The following NTRK2 variants were observed in gnomAD, a reference collection of about 807,000 sequenced individuals.
The protein encoded by NTRK2 is neurotrophic receptor tyrosine kinase 2.
Under a neutral mutation model 94.5 loss-of-function variants are expected in NTRK2, and 13 were observed. The observed-to-expected ratio is 0.14, with a 90% confidence interval of 0.09 to 0.22. The LOEUF is 0.22. Ranked by LOEUF, NTRK2 falls within the 10% of genes least tolerant of loss-of-function variation. The pLI is 1.00. For missense variants in NTRK2, 639 were observed against 1,071.2 expected (o/e 0.60, Z 5.63); for synonymous variants, 372 against 407.4 (o/e 0.91, Z 1.05).
At chr9:84,951,142 A>G (rs72739936) in intron 16 of NTRK2, among the ~76,000 whole-genome samples, 10,778 of 152,234 alleles carry the variant, frequency 0.071, 730 homozygotes, top group African/African-American at 0.18. Context: ...GTGCAATTTA[A>G]TTCTTCTTTG....
chr9:84,830,514 C>T (rs969284994), intron 12 of NTRK2, among the ~76,000 whole-genome samples: 41 of 149,408 alleles, frequency 2.7e-4, no homozygotes, highest in Non-Finnish European at 4.9e-4. Context: ...TGTGAGCATG[C>T]GTGTATGTGT....
intron 17 of NTRK2, among the ~76,000 whole-genome samples, chr9:84,988,441 CACAA>C (rs555049415): frequency 3.4e-5 from 5 of 146,554 alleles, no homozygotes; most frequent in Admixed American, 6.7e-5. Flanking sequence ...ATCTCTTTCA[CACAA>C]ACACACACAC....
chr9:84,809,612 T>C (rs567489489), intron 12 of NTRK2, among the ~76,000 whole-genome samples: 2 of 151,682 alleles, frequency 1.3e-5, no homozygotes, highest in African/African-American at 4.8e-5. Context: ...CTGGGCTTGG[T>C]GGCTCACGCC....
At chr9:84,870,258 CTATATGCACACA>C (rs1290909400) in intron 14 of NTRK2, among the ~76,000 whole-genome samples, 1 of 128,528 alleles carries the variant, frequency 7.8e-6, no homozygotes, top group Non-Finnish European at 1.7e-5. Context: ...GTACACATAC[CTATATGCACACA>C]TATAGGTATG....
intron 12 of NTRK2, among the ~76,000 whole-genome samples, chr9:84,797,710 A>C (rs1440316263): frequency 1.4e-5 from 1 of 71,530 alleles, no homozygotes; most frequent in Non-Finnish European, 2.5e-5. Flanking sequence ...TATATACTAT[A>C]ATAATATATA....
At chr9:84,979,588 A>G (rs182944601) in intron 17 of NTRK2, among the ~76,000 whole-genome samples, 123 of 152,348 alleles carry the variant, frequency 8.1e-4, no homozygotes, top group African/African-American at 2.8e-3. Flanking sequence ...AATTTGGAAT[A>G]TGATATAAAT....
intron 2 of NTRK2, among the ~76,000 whole-genome samples, chr9:84,681,866 A>T (rs985782635): frequency 1.3e-5 from 2 of 152,188 alleles, no homozygotes; most frequent in African/African-American, 4.8e-5. Context: ...CTATATTGCT[A>T]TATAAAGAGG....
At chr9:84,795,583 G>A (rs1169160500) in intron 12 of NTRK2, among the ~76,000 whole-genome samples, 1 of 152,068 alleles carries the variant, frequency 6.6e-6, no homozygotes, top group Admixed American at 6.5e-5. Context: ...AGCAGCCCCA[G>A]GTCTCTTCAA....
At chr9:84,675,246 G>A (rs2058963252) in intron 2 of NTRK2, among the ~76,000 whole-genome samples, 1 of 149,080 alleles carries the variant, frequency 6.7e-6, no homozygotes, top group Admixed American at 6.7e-5. Flanking sequence ...GGTCATAGGA[G>A]TATAAAAACT....
At chr9:84,962,940 A>T (rs1317260637) in intron 17 of NTRK2, among the ~76,000 whole-genome samples, 2 of 152,230 alleles carry the variant, frequency 1.3e-5, no homozygotes, top group Non-Finnish European at 2.9e-5. Context: ...GTGGCTAAGC[A>T]GATAAGGGGT....
intron 17 of NTRK2, among the ~76,000 whole-genome samples, chr9:84,977,040 G>A (rs1826964155): frequency 6.6e-6 from 1 of 152,178 alleles, no homozygotes; most frequent in East Asian, 1.9e-4. Context: ...TGAATTAGCT[G>A]AATTAGCTGC....
At chr9:84,836,950 T>TATAAC (rs2073909945) in intron 12 of NTRK2, among the ~76,000 whole-genome samples, 1 of 140,440 alleles carries the variant, frequency 7.1e-6, no homozygotes, top group Non-Finnish European at 1.5e-5. Flanking sequence ...TATAATATAA[T>TATAAC]ATAATATAAT....
intron 15 of NTRK2, among the ~76,000 whole-genome samples, chr9:84,942,454 C>A (rs1199651883): frequency 6.6e-6 from 1 of 152,154 alleles, no homozygotes; most frequent in Non-Finnish European, 1.5e-5. Flanking sequence ...AATTCTATCT[C>A]AATTTTATAG....
chr9:84,673,104 A>G (rs2058802940), intron 2 of NTRK2, among the ~76,000 whole-genome samples: 1 of 152,196 alleles, frequency 6.6e-6, no homozygotes, highest in Admixed American at 6.5e-5. Flanking sequence ...GTCCTGAGAC[A>G]AAGTATGTTT....
chr9:84,762,929 G>A (rs190326936), intron 12 of NTRK2, among the ~76,000 whole-genome samples: 1 of 152,240 alleles, frequency 6.6e-6, no homozygotes. Flanking sequence ...TGGCCTTGGT[G>A]GTAATTTCTG....
In NTRK2 at chr9:84,674,334, A is replaced by T. The variant is rs551486262; in HGVS notation, c.212+3374A>T. 6.6e-5 allele frequency among the ~76,000 whole-genome samples: 10 copies of T among 152,328 alleles called. No homozygotes were observed. In the South Asian group the frequency reaches 2.1e-3, roughly 32 times the overall value. On this transcript the variant is annotated intron_variant, in intron 2 of 18. Transcript: ENST00000277120. Reference sequence around the variant, plus strand: ...TTTTTCCTCTTAGCACAACCTAAATAGAATTTGGAGCTTCTCCTATGACAG... The same window carrying T: ...TTTTTCCTCTTAGCACAACCTAAATTGAATTTGGAGCTTCTCCTATGACAG...
At chr9:84,963,791 T>C (rs1209192407) in intron 17 of NTRK2, among the ~76,000 whole-genome samples, 1 of 152,204 alleles carries the variant, frequency 6.6e-6, no homozygotes, top group African/African-American at 2.4e-5. Flanking sequence ...TGAATTCTGT[T>C]TTTTCTGTGT....
intron 12 of NTRK2, chr9:84,811,085 G>A: frequency 9.3e-7 from 1 of 1,069,786 alleles, no homozygotes; most frequent in East Asian, 5.0e-5. Context: ...AATCAGCACT[G>A]AATTCAGAGG....
At chr9:84,742,088 C>T (rs534426295) in intron 10 of NTRK2, among the ~76,000 whole-genome samples, 161 bp downstream of exon 10, 4 of 152,280 alleles carry the variant, frequency 2.6e-5, no homozygotes, top group African/African-American at 9.6e-5. Flanking sequence ...TATTGATGGC[C>T]GTTTTCCCTT....
Sources: allele counts gnomAD v4.1 joint callset (sites outside exome capture counted in the v4.1 genomes callset), GRCh38; gene constraint gnomAD v4.1.1; transcripts MANE v1.5; gene names NCBI Gene and HGNC (gene_info 2026-07-23, HGNC 2026-07-21).